The following SHQ1 variants were observed in gnomAD, a reference collection of about 807,000 sequenced individuals.
SHQ1 encodes SHQ1, H/ACA ribonucleoprotein assembly factor.
SHQ1 carries 49 observed loss-of-function variants against 53.8 expected under a neutral mutation model. The ratio of observed to expected loss-of-function variants is 0.91; its 90% CI spans 0.72 to 1.16. The LOEUF is 1.16. Among genes scored for constraint, SHQ1 ranks in the 50% most tolerant of loss-of-function variants. The probability of loss-of-function intolerance (pLI) is 0.00; values close to 1 mark genes in which losing one functional copy is unlikely to be tolerated. For missense variants in SHQ1, 738 were observed against 683.1 expected (o/e 1.08, Z -0.90); for synonymous variants, 243 against 251.0 (o/e 0.97, Z 0.30).
chr3:72,734,552 G>A, the SHQ1 span, among the ~76,000 whole-genome samples: 6 of 151,598 alleles, frequency 4.0e-5, no homozygotes, highest in South Asian at 6.2e-4. Flanking sequence ...CACTGAGCCC[G>A]GCCTACAGTA....
chr3:72,742,179 C>G, the SHQ1 span, among the ~76,000 whole-genome samples: 3 of 145,520 alleles, frequency 2.1e-5, no homozygotes, highest in Non-Finnish European at 3.0e-5. Context: ...GCCTGGGCAA[C>G]AGAGTGAGAC....
chr3:72,810,852 T>G (rs1165236557), intron 9 of SHQ1, among the ~76,000 whole-genome samples: 1 of 152,062 alleles, frequency 6.6e-6, no homozygotes, highest in Non-Finnish European at 1.5e-5. Flanking sequence ...CAACCCAAAT[T>G]AGTCACAGAA....
the SHQ1 span, among the ~76,000 whole-genome samples, chr3:72,736,353 TTC>T: frequency 6.7e-6 from 1 of 150,122 alleles, no homozygotes; most frequent in Non-Finnish European, 1.5e-5. Context: ...GGCAACCTTT[TTC>T]TGTAAAGGTC....
intron 9 of SHQ1, among the ~76,000 whole-genome samples, chr3:72,810,905 C>T (rs1215797406): frequency 1.3e-5 from 2 of 152,184 alleles, no homozygotes; most frequent in African/African-American, 2.4e-5. Context: ...TCATTTTTAG[C>T]AGAGGCCTCC....
At chr3:72,785,583 C>G (rs758529071) in intron 10 of SHQ1, among the ~76,000 whole-genome samples, 1 of 152,158 alleles carries the variant, frequency 6.6e-6, no homozygotes, top group African/African-American at 2.4e-5. Context: ...AACAGTAGAC[C>G]CTCTTGTTCA....
intron 5 of SHQ1, among the ~76,000 whole-genome samples, chr3:72,831,344 G>T: frequency 6.6e-6 from 1 of 152,220 alleles, no homozygotes; most frequent in East Asian, 1.9e-4. Context: ...GAGAGCTACA[G>T]CAGTTAAACT....
the SHQ1 span, among the ~76,000 whole-genome samples, chr3:72,725,673 C>T: frequency 6.6e-6 from 1 of 152,184 alleles, no homozygotes; most frequent in African/African-American, 2.4e-5. Flanking sequence ...GTAAGCCCAG[C>T]CACGAGCACA....
chr3:72,836,217 T>A (rs1014101021), intron 4 of SHQ1, among the ~76,000 whole-genome samples: 1 of 152,152 alleles, frequency 6.6e-6, no homozygotes, highest in African/African-American at 2.4e-5. Flanking sequence ...TGGACAGGCA[T>A]TGTGGCTCAC....
rs80326894 is a variant in SHQ1 at position 72,783,830 on chromosome 3, T to C, written c.1181+9086A>G. ...TCAACAATATTTCACTTACCTTTCATAGCATTTAAGCTCTTGAATAACCAA... is the reference window on the plus strand; with the variant it reads ...TCAACAATATTTCACTTACCTTTCACAGCATTTAAGCTCTTGAATAACCAA... On this transcript the variant is annotated intron_variant, in intron 10 of 10. Coordinates refer to ENST00000325599, the MANE Select transcript of SHQ1 (RefSeq NM_018130.3). 6.5e-3 allele frequency among the ~76,000 whole-genome samples: 997 copies of C among 152,264 alleles called. 13 individuals carry two copies. Among genetic ancestry groups the C allele is most frequent in the East Asian group, 0.028 (147 of 5,190 alleles).
At chr3:72,813,830 C>CTT (rs931930903) in intron 8 of SHQ1, among the ~76,000 whole-genome samples, 1,159 of 108,158 alleles carry the variant, frequency 0.011, 16 homozygotes, top group African/African-American at 0.022. Context: ...TCCTCTTTTT[C>CTT]TTTTTTTTTT....
chr3:72,756,090 G>T (rs969359481), intron 10 of SHQ1, among the ~76,000 whole-genome samples: 23 of 152,032 alleles, frequency 1.5e-4, no homozygotes, highest in African/African-American at 4.4e-4. Flanking sequence ...GTAAAGACAG[G>T]TTCTCCCTAT....
chr3:72,818,413 C>G (rs1045163882), intron 6 of SHQ1, among the ~76,000 whole-genome samples: 12 of 152,036 alleles, frequency 7.9e-5, no homozygotes, highest in African/African-American at 2.9e-4. Context: ...AGTAGACTCT[C>G]GAGACTGTAT....
intron 1 of SHQ1, among the ~76,000 whole-genome samples, chr3:72,847,305 G>A (rs1396328907): frequency 6.6e-6 from 1 of 152,194 alleles, no homozygotes; most frequent in Non-Finnish European, 1.5e-5. Flanking sequence ...AAGTACTTGG[G>A]TGGGAAAAGT....
chr3:72,737,284 A>G, the SHQ1 span, among the ~76,000 whole-genome samples: 1 of 151,994 alleles, frequency 6.6e-6, no homozygotes, highest in African/African-American at 2.4e-5. Context: ...TCTCCCAAAA[A>G]AGAAAAAATA....
At chr3:72,792,784 CAAAAAAAAAAA>C (rs59948195) in intron 10 of SHQ1, 121 bp downstream of exon 10, 15 of 258,910 alleles carry the variant, frequency 5.8e-5, no homozygotes, top group East Asian at 3.2e-4. Flanking sequence ...ACCTCCATCT[CAAAAAAAAAAA>C]AAAAAAAAAA....
chr3:72,775,932 T>C (rs1705950430), intron 10 of SHQ1, among the ~76,000 whole-genome samples: 1 of 152,218 alleles, frequency 6.6e-6, no homozygotes, highest in Non-Finnish European at 1.5e-5. Flanking sequence ...TATTTAATGA[T>C]AAAATGTTGA....
intron 10 of SHQ1, among the ~76,000 whole-genome samples, chr3:72,765,553 ATATATT>A (rs1559662622): frequency 1.2e-5 from 1 of 85,468 alleles, no homozygotes. Context: ...ATATATATAT[ATATATT>A]TTTTTTTTTT....
At chr3:72,787,063 A>C (rs1001049142) in intron 10 of SHQ1, among the ~76,000 whole-genome samples, 3 of 152,228 alleles carry the variant, frequency 2.0e-5, no homozygotes, top group Non-Finnish European at 4.4e-5. Context: ...TCAGTGCTGA[A>C]ATGACTTAGG....
At chr3:72,730,098 G>A in the SHQ1 span, among the ~76,000 whole-genome samples, 10 of 151,806 alleles carry the variant, frequency 6.6e-5, no homozygotes, top group African/African-American at 1.7e-4. Context: ...AATTACAGGC[G>A]TGAGCCACCG....
Sources: allele counts gnomAD v4.1 joint callset (sites outside exome capture counted in the v4.1 genomes callset), GRCh38; gene constraint gnomAD v4.1.1; transcripts MANE v1.5; gene names NCBI Gene and HGNC (gene_info 2026-07-23, HGNC 2026-07-21).